Variants in TBCK observed in about 807,000 individuals in gnomAD.
TBCK encodes TBC1 domain containing kinase.
A neutral mutation model predicts 113.4 loss-of-function variants in TBCK; 99 were observed. The ratio of observed to expected loss-of-function variants is 0.87; its 90% CI spans 0.74 to 1.03. The LOEUF is 1.03. TBCK is among the 50% of genes least tolerant of loss of function. The pLI, the probability that TBCK is intolerant of heterozygous loss-of-function variation, is 0.00. For missense variants in TBCK, 1,045 were observed against 1,061.3 expected, an observed-to-expected ratio of 0.98 and a Z score of 0.21; for synonymous variants, 369 against 370.8, an observed-to-expected ratio of 1.00 and a Z score of 0.05.
chr4:106,064,618 T>C (rs1736419860), intron 25 of TBCK, among the ~76,000 whole-genome samples: 1 of 151,992 alleles, frequency 6.6e-6, no homozygotes, highest in Admixed American at 6.6e-5. Flanking sequence ...CTTTTGAATG[T>C]GATACACTGT....
intron 3 of TBCK, among the ~76,000 whole-genome samples, chr4:106,278,084 G>A (rs1228671114): frequency 6.6e-6 from 1 of 150,574 alleles, no homozygotes; most frequent in Non-Finnish European, 1.5e-5. Context: ...TTTACTATTT[G>A]CATTTTTTCA....
At chr4:106,089,295 A>C (rs899111499) in intron 25 of TBCK, among the ~76,000 whole-genome samples, 1 of 152,160 alleles carries the variant, frequency 6.6e-6, no homozygotes, top group Admixed American at 6.5e-5. Context: ...ACTTATTACC[A>C]CTGGGAGGGC....
At chr4:106,176,023 T>G (rs1751625308) in intron 22 of TBCK, among the ~76,000 whole-genome samples, 1 of 152,140 alleles carries the variant, frequency 6.6e-6, no homozygotes, top group East Asian at 1.9e-4. Flanking sequence ...TACTTTACTG[T>G]TATTTTTAAA....
chr4:106,283,712 G>C (rs1764845924), intron 3 of TBCK, among the ~76,000 whole-genome samples: 1 of 151,884 alleles, frequency 6.6e-6, no homozygotes, highest in South Asian at 2.1e-4. Flanking sequence ...GAGAGAATTA[G>C]ATTGAAGTCA....
intron 22 of TBCK, among the ~76,000 whole-genome samples, chr4:106,185,026 T>G (rs1305258207): frequency 6.6e-6 from 1 of 152,000 alleles, no homozygotes; most frequent in Non-Finnish European, 1.5e-5. Flanking sequence ...AGCCATCGTT[T>G]TCTCTCTTTC....
At chr4:106,072,848 A>C (rs983720458) in intron 25 of TBCK, among the ~76,000 whole-genome samples, 1 of 151,778 alleles carries the variant, frequency 6.6e-6, no homozygotes, top group Non-Finnish European at 1.5e-5. Context: ...CATTAATTTG[A>C]TCTTCAATCA....
chr4:106,103,545 T>C (rs1027287872), intron 24 of TBCK, among the ~76,000 whole-genome samples: 1 of 152,232 alleles, frequency 6.6e-6, no homozygotes. Flanking sequence ...ACTAGTTATA[T>C]GGCCTTGGGA....
intron 1 of TBCK, chr4:106,310,018 C>T (rs1257020036): frequency 2.0e-4 from 30 of 151,906 alleles, no homozygotes; most frequent in Admixed American, 2.0e-3. Flanking sequence ...ATTAAGGCAA[C>T]CATAACAACA....
intron 19 of TBCK, among the ~76,000 whole-genome samples, chr4:106,217,386 G>A (rs1401380724): frequency 6.0e-4 from 92 of 152,192 alleles, no homozygotes; most frequent in African/African-American, 2.1e-3. Flanking sequence ...GGCAGGAGAA[G>A]GAAATAAAGG....
chr4:106,239,865 T>C (rs763483321), intron 12 of TBCK, among the ~76,000 whole-genome samples: 5 of 151,574 alleles, frequency 3.3e-5, no homozygotes, highest in African/African-American at 4.8e-5. Flanking sequence ...AAGGCAACAC[T>C]CTCCTATTTA....
chr4:106,243,298 T>C (rs1260855027), intron 11 of TBCK, among the ~76,000 whole-genome samples: 2 of 152,128 alleles, frequency 1.3e-5, no homozygotes, highest in African/African-American at 4.8e-5. Context: ...TAACTCAATG[T>C]GTTCCCAAGA....
intron 2 of TBCK, among the ~76,000 whole-genome samples, chr4:106,304,623 C>T (rs1767314247): frequency 1.3e-5 from 2 of 152,170 alleles, no homozygotes; most frequent in East Asian, 3.9e-4. Flanking sequence ...ATATTACTAA[C>T]CTCAAATCTT....
intron 23 of TBCK, among the ~76,000 whole-genome samples, chr4:106,143,783 G>A (rs1403895872): frequency 3.3e-5 from 5 of 152,080 alleles, no homozygotes; most frequent in Non-Finnish European, 5.9e-5. Context: ...GCATGGTGGT[G>A]CACACCTGCA....
At chr4:106,216,957 A>G (rs1438290572) in intron 19 of TBCK, among the ~76,000 whole-genome samples, 1 of 152,164 alleles carries the variant, frequency 6.6e-6, no homozygotes, top group African/African-American at 2.4e-5. Flanking sequence ...ACATTGATGC[A>G]AAAATCCTCA....
intron 23 of TBCK, among the ~76,000 whole-genome samples, chr4:106,161,066 A>G (rs957826472): frequency 1.3e-5 from 2 of 151,974 alleles, no homozygotes; most frequent in Non-Finnish European, 2.9e-5. Context: ...ATTACAATGG[A>G]ATGGGTACAG....
intron 19 of TBCK, among the ~76,000 whole-genome samples, chr4:106,227,994 A>T (rs1223653314): frequency 6.6e-6 from 1 of 152,052 alleles, no homozygotes; most frequent in Admixed American, 6.6e-5. Context: ...TTTTTATTGT[A>T]GATATGAGAA....
intron 2 of TBCK, chr4:106,297,660 C>T (rs988564123): frequency 1.2e-4 from 19 of 152,142 alleles, no homozygotes; most frequent in Non-Finnish European, 2.4e-4. Context: ...CTTAGTTTAC[C>T]AACTTCCATC....
At chr4:106,072,522 G>A (rs973726193) in intron 25 of TBCK, among the ~76,000 whole-genome samples, 1 of 152,142 alleles carries the variant, frequency 6.6e-6, no homozygotes, top group African/African-American at 2.4e-5. Context: ...TCTGGTGCCT[G>A]TTAACATTTT....
chr4:106,220,261 C>A (rs1044342800), intron 19 of TBCK, among the ~76,000 whole-genome samples: 3 of 152,152 alleles, frequency 2.0e-5, no homozygotes, highest in Non-Finnish European at 4.4e-5. Flanking sequence ...ATAAGTCTCA[C>A]GAGATCTGAC....
Sources: allele counts gnomAD v4.1 joint callset (sites outside exome capture counted in the v4.1 genomes callset), GRCh38; gene constraint gnomAD v4.1.1; transcripts MANE v1.5; gene names NCBI Gene and HGNC (gene_info 2026-07-23, HGNC 2026-07-21).